Variants in SLC26A3 observed in about 807,000 individuals in gnomAD.
The protein encoded by SLC26A3 is solute carrier family 26 member 3.
Under a neutral mutation model 85.6 loss-of-function variants are expected in SLC26A3, and 64 were observed. That is an observed-to-expected ratio of 0.75 (90% CI 0.61 to 0.92). The LOEUF (loss-of-function observed/expected upper bound fraction) is 0.92, where lower values mean the gene tolerates loss of function less well. Among genes scored for constraint, SLC26A3 ranks in the 40% least tolerant of loss-of-function variants. The pLI, the probability that SLC26A3 is intolerant of heterozygous loss-of-function variation, is 0.00. For missense variants in SLC26A3, 922 were observed against 927.3 expected (o/e 0.99, Z 0.07); for synonymous variants, 349 against 336.0 (o/e 1.04, Z -0.42).
chr7:107,784,065 C>CTA (rs1794253013), intron 8 of SLC26A3, among the ~76,000 whole-genome samples: 1 of 152,202 alleles, frequency 6.6e-6, no homozygotes, highest in Admixed American at 6.5e-5. Context: ...TGTTCCACTC[C>CTA]TATAAGCATA....
chr7:107,798,062 A>T (rs868041266), intron 1 of SLC26A3, among the ~76,000 whole-genome samples: 13 of 152,160 alleles, frequency 8.5e-5, no homozygotes, highest in South Asian at 6.2e-4. Flanking sequence ...TAATTATAGA[A>T]TCCCAAGCCT....
chr7:107,767,700 A>G (rs1186229933), intron 19 of SLC26A3, 56 bp from the exon 20 acceptor site: 4 of 1,609,266 alleles, frequency 2.5e-6, no homozygotes, highest in African/African-American at 2.7e-5. Context: ...TAATGTTGAA[A>G]AAGAGAAATT....
At position 107,767,763 on chromosome 7, in the gene SLC26A3, T is replaced by C. The variant is rs386833475; in HGVS notation, c.2205+3A>G. 1.2e-6 allele frequency: 2 copies of C among 1,613,842 alleles called. No homozygotes were observed. Among genetic ancestry groups the C allele is most frequent in the South Asian group, 2.2e-5 (2 of 91,058 alleles). On this transcript the variant is annotated splice_donor_region_variant and intron_variant, in intron 19 of 20. Coordinates refer to ENST00000340010, the MANE Select transcript of SLC26A3 (RefSeq NM_000111.3). ...ATTGTGAAAGTCACCAAAGAGCTGA[T>C]ACCTGACTGGGATTAAACTTTGAAG...
At chr7:107,773,656 T>G (rs1025034492) in intron 17 of SLC26A3, among the ~76,000 whole-genome samples, 1 of 152,246 alleles carries the variant, frequency 6.6e-6, no homozygotes, top group Non-Finnish European at 1.5e-5. Context: ...GTTCAAGCTA[T>G]TCTCCTGCCT....
In SLC26A3 at chr7:107,778,212, C is replaced by T; in HGVS notation, c.1477G>A (p.Ala493Thr). ...GLGLGLAASV[A>T]FQLLTIVFRT... is the part of the protein sequence containing the mutation. ...AACACGATGGTTAGCAGTTGAAATG[C>T]CACACTAGCTGCCAGGCCTAACCCG... Residue 493 changes from alanine (A) to threonine (T), a missense_variant, in exon 13 of 21, where the codon GCA becomes ACA. Transcript: ENST00000340010. The T allele has an allele frequency of 6.2e-7, 1 of 1,613,886 alleles. No homozygotes were observed. The highest frequency in any genetic ancestry group is 8.5e-7 in the Non-Finnish European group (1 of 1,179,850).
At chr7:107,794,320 T>G (rs1464593821) in intron 2 of SLC26A3, 59 bp downstream of exon 2, 185 of 1,597,156 alleles carry the variant, frequency 1.2e-4, no homozygotes, top group Non-Finnish European at 1.5e-4. Context: ...GTTAGAAAAT[T>G]TAGGGGAAAG....
rs1793899181 is a variant in SLC26A3 at position 107,765,628 on chromosome 7, T to C, written c.*227A>G. On this transcript the variant is annotated 3_prime_UTR_variant, in exon 21 of 21. Transcript: ENST00000340010. ...ACAAAAATATGTATGAACAAAATAA[T>C]TTTCACCCTTTGATAAAGCTACAAG... 2 of 495,900 alleles carry C rather than the reference T, an allele frequency of 4.0e-6. No homozygotes were observed. The highest frequency in any genetic ancestry group is 3.2e-5 in the East Asian group (1 of 31,064). The allele number at this position is 495,900 out of a possible 1,614,324, so 30.7% of individuals were successfully genotyped here.
At chr7:107,789,313 G>A (rs569160605) in intron 6 of SLC26A3, among the ~76,000 whole-genome samples, 1 of 151,116 alleles carries the variant, frequency 6.6e-6, no homozygotes, top group Non-Finnish European at 1.5e-5. Flanking sequence ...GTAGAGACGG[G>A]GTTTCACTGT....
intron 13 of SLC26A3, 32 bp downstream of exon 13, chr7:107,778,143 C>T (rs771896738): frequency 7.4e-6 from 11 of 1,477,120 alleles, no homozygotes; most frequent in Non-Finnish European, 9.5e-6. Flanking sequence ...AGGTCCAAGC[C>T]TGCCAGGATG....
At chr7:107,766,258 T>C (rs1000933329) in intron 20 of SLC26A3, among the ~76,000 whole-genome samples, 10 of 152,170 alleles carry the variant, frequency 6.6e-5, no homozygotes, top group Non-Finnish European at 1.3e-4. Context: ...TTTTTTAATA[T>C]GGGGAAGCCA....
At chr7:107,774,370 G>A (rs1190502550) in intron 16 of SLC26A3, among the ~76,000 whole-genome samples, 1 of 152,026 alleles carries the variant, frequency 6.6e-6, no homozygotes, top group African/African-American at 2.4e-5. Context: ...AGGGCAACAT[G>A]GTAAGACTCC....
At position 107,770,014 on chromosome 7, in the gene SLC26A3, CTTT is replaced by C. The variant is rs1793982048; in HGVS notation, c.2062+2037_2062+2039del. Among the ~76,000 whole-genome samples the C allele has an allele frequency of 1.3e-4, 5 of 37,296 alleles. No individual in the cohort carries two copies. The African/African-American group carries it at 1.4e-3, about 11-fold the overall frequency. 24.5% of individuals were successfully genotyped at this position (37,296 alleles called of 152,430 possible). ...CTTCCTTTTTTCTCTTTCTTTCTTTCTTTCTTTCTTTCTTTCTTTCTTTCTTTC... is the reference window on the plus strand; with the variant it reads ...CTTCCTTTTTTCTCTTTCTTTCTTTCCTTTCTTTCTTTCTTTCTTTCTTTC... On this transcript the variant is annotated intron_variant, in intron 18 of 20. Transcript: ENST00000340010.
At chr7:107,778,385 C>T in intron 12 of SLC26A3, 104 bp from the exon 13 acceptor site, 1 of 493,708 alleles carries the variant, frequency 2.0e-6, no homozygotes, top group Non-Finnish European at 3.3e-6. Context: ...TTTGTAGCGA[C>T]AGTGAGACCT....
chr7:107,779,868 G>T, intron 11 of SLC26A3, 105 bp from the exon 12 acceptor site: 3 of 884,370 alleles, frequency 3.4e-6, no homozygotes, highest in Non-Finnish European at 5.5e-6. Flanking sequence ...GGGCCTCAAA[G>T]CAAATCAAAG....
At chr7:107,801,121 G>A (rs1484306568) in intron 1 of SLC26A3, among the ~76,000 whole-genome samples, 1 of 152,212 alleles carries the variant, frequency 6.6e-6, no homozygotes, top group African/African-American at 2.4e-5. Context: ...TACTGTGGAT[G>A]GAGGCAGACA....
Position 107,782,915 on chromosome 7 carries a change from C to T in SLC26A3, c.1234-41G>A, listed in dbSNP as rs368337116. On this transcript the variant is annotated intron_variant, in intron 10 of 20. Transcript: ENST00000340010. ...AATTATCATCACCAACTCAACTTTT[C>T]CCCTGGCTTGAATTTCCTAGTTACT... 97 of 1,613,426 alleles carry T rather than the reference C, an allele frequency of 6.0e-5. No homozygotes were observed. In the African/African-American group the frequency reaches 9.7e-4, roughly 16 times the overall value.
rs1794625446 is a variant in SLC26A3 at position 107,803,125 on chromosome 7, G to C, written c.-103C>G. ...TTGGTTCCTACCTGACACATACTCTGTGAGGAGCTTCTGCAACAGTGGTAC... is the reference window on the plus strand; with the variant it reads ...TTGGTTCCTACCTGACACATACTCTCTGAGGAGCTTCTGCAACAGTGGTAC... On this transcript the variant is annotated 5_prime_UTR_variant, in exon 1 of 21. Transcript: ENST00000340010. 3.3e-5 allele frequency: 5 copies of C among 152,430 alleles called. No homozygotes were observed. In the South Asian group the frequency reaches 1.0e-3, roughly 32 times the overall value. The allele number at this position is 152,430 out of a possible 1,614,324, so 9.4% of individuals were successfully genotyped here.
chr7:107,778,419 A>T (rs1794157927), intron 12 of SLC26A3, 138 bp from the exon 13 acceptor site: 2 of 619,838 alleles, frequency 3.2e-6, no homozygotes, highest in Non-Finnish European at 5.5e-6. Context: ...AAAATTTAAA[A>T]ATTTGCCAGA....
intron 17 of SLC26A3, among the ~76,000 whole-genome samples, chr7:107,772,850 G>T (rs962399827): frequency 2.0e-5 from 3 of 151,870 alleles, no homozygotes; most frequent in African/African-American, 7.3e-5. Context: ...AAAAAGAAAA[G>T]AAAACGCAAG....
Sources: allele counts gnomAD v4.1 joint callset (sites outside exome capture counted in the v4.1 genomes callset), GRCh38; gene constraint gnomAD v4.1.1; transcripts MANE v1.5; gene names NCBI Gene and HGNC (gene_info 2026-07-23, HGNC 2026-07-21).